Variants in DLG2 observed in about 807,000 individuals in gnomAD.
DLG2 encodes the protein discs large MAGUK scaffold protein 2.
Under a neutral mutation model 132.5 loss-of-function variants are expected in DLG2, and 45 were observed. The ratio of observed to expected loss-of-function variants is 0.34; its 90% CI spans 0.27 to 0.44. The LOEUF (loss-of-function observed/expected upper bound fraction) is 0.44. Among genes scored for constraint, DLG2 ranks in the 20% least tolerant of loss-of-function variants. The probability of loss-of-function intolerance (pLI) is 1.00; values close to 1 mark genes in which losing one functional copy is unlikely to be tolerated. For synonymous variants in DLG2, 424 were observed against 419.6 expected, an observed-to-expected ratio of 1.01 and a Z score of -0.13; for missense variants, 1,045 against 1,196.9, an observed-to-expected ratio of 0.87 and a Z score of 1.87.
intron 2 of DLG2, among the ~76,000 whole-genome samples, chr11:85,616,570 A>G (rs998420109): frequency 2.4e-4 from 37 of 152,252 alleles, no homozygotes; most frequent in African/African-American, 8.9e-4. Context: ...GGAATTTTTC[A>G]GTAATTCCAG....
At chr11:83,819,862 G>GCTTTCT (rs1340364221) in intron 17 of DLG2, among the ~76,000 whole-genome samples, 2 of 152,086 alleles carry the variant, frequency 1.3e-5, no homozygotes, top group Non-Finnish European at 2.9e-5. Flanking sequence ...CTCATTTTGA[G>GCTTTCT]CTTTCTCAAG....
intron 3 of DLG2, among the ~76,000 whole-genome samples, chr11:85,474,131 TA>T (rs1295780684): frequency 6.6e-6 from 1 of 151,782 alleles, no homozygotes; most frequent in Non-Finnish European, 1.5e-5. Flanking sequence ...AATGATGAAA[TA>T]AAAAAATTAA....
intron 8 of DLG2, among the ~76,000 whole-genome samples, chr11:84,240,169 A>G (rs994507595): frequency 6.6e-6 from 1 of 152,220 alleles, no homozygotes. Context: ...GCACGTCAGC[A>G]TGGTGGTAGG....
intron 18 of DLG2, among the ~76,000 whole-genome samples, chr11:83,655,451 G>A (rs779963919): frequency 1.3e-5 from 2 of 152,168 alleles, no homozygotes; most frequent in East Asian, 1.9e-4. Flanking sequence ...ATTTCAGGGA[G>A]AGCACTTGTC....
At chr11:83,791,254 G>A (rs2041484470) in intron 17 of DLG2, 1 of 663,906 alleles carries the variant, frequency 1.5e-6, no homozygotes, top group South Asian at 1.8e-5. Context: ...TGCTGAGGAG[G>A]AGGAGAAGGT....
At chr11:83,516,725 G>A (rs1223126156) in intron 21 of DLG2, among the ~76,000 whole-genome samples, 1 of 152,140 alleles carries the variant, frequency 6.6e-6, no homozygotes, top group Non-Finnish European at 1.5e-5. Flanking sequence ...GCCTGGTGGT[G>A]ACAAAATCTC....
chr11:85,254,998 CAAA>C (rs200546899), intron 4 of DLG2, among the ~76,000 whole-genome samples: 6 of 87,744 alleles, frequency 6.8e-5, no homozygotes, highest in Admixed American at 1.3e-4. Flanking sequence ...GACTCCATCT[CAAA>C]AAAAAAAAAA....
intron 6 of DLG2, among the ~76,000 whole-genome samples, chr11:84,966,404 T>C (rs1430308407): frequency 1.3e-5 from 2 of 152,086 alleles, no homozygotes; most frequent in Admixed American, 1.3e-4. Context: ...CTAGAACTCA[T>C]AGGTCCATGA....
intron 6 of DLG2, among the ~76,000 whole-genome samples, chr11:84,891,483 A>G (rs2089381847): frequency 6.6e-6 from 1 of 152,178 alleles, no homozygotes; most frequent in African/African-American, 2.4e-5. Flanking sequence ...TAAGTACACC[A>G]CAATTTCAAC....
chr11:85,074,380 G>T (rs76746896), intron 6 of DLG2, among the ~76,000 whole-genome samples: 3 of 151,794 alleles, frequency 2.0e-5, no homozygotes, highest in Admixed American at 6.6e-5. Context: ...GAATCAGCAG[G>T]TGCTTACAAT....
intron 3 of DLG2, among the ~76,000 whole-genome samples, chr11:85,400,522 G>A (rs1431094341): frequency 6.7e-6 from 1 of 149,386 alleles, no homozygotes; most frequent in African/African-American, 2.5e-5. Context: ...GCAAAGACTT[G>A]GAACCAACCC....
chr11:85,211,160 T>C (rs1283569933), intron 4 of DLG2, among the ~76,000 whole-genome samples: 1 of 152,180 alleles, frequency 6.6e-6, no homozygotes, highest in African/African-American at 2.4e-5. Context: ...AAAGACCAAA[T>C]ATCTTTGGTA....
intron 6 of DLG2, among the ~76,000 whole-genome samples, chr11:84,708,653 T>C (rs921001622): frequency 6.6e-6 from 1 of 151,832 alleles, no homozygotes; most frequent in Non-Finnish European, 1.5e-5. Context: ...AATGAGATCA[T>C]AGCATCCCCA....
chr11:84,789,859 A>G (rs976343904), intron 6 of DLG2, among the ~76,000 whole-genome samples: 1 of 152,130 alleles, frequency 6.6e-6, no homozygotes, highest in Non-Finnish European at 1.5e-5. Context: ...TGCCTGGCCT[A>G]TTTCACTTAA....
chr11:84,834,852 C>A (rs1025438875), intron 6 of DLG2, among the ~76,000 whole-genome samples: 1 of 149,288 alleles, frequency 6.7e-6, no homozygotes, highest in East Asian at 2.0e-4. Context: ...TCCAGGGCAA[C>A]ATTTCCTAAC....
intron 3 of DLG2, among the ~76,000 whole-genome samples, chr11:85,441,932 T>C (rs2153031387): frequency 6.6e-6 from 1 of 151,866 alleles, no homozygotes; most frequent in African/African-American, 2.4e-5. Context: ...GTAGTCTTGG[T>C]GGTAAAGGAA....
chr11:83,732,000 C>T (rs1271260173), intron 18 of DLG2, among the ~76,000 whole-genome samples: 1 of 152,052 alleles, frequency 6.6e-6, no homozygotes, highest in Non-Finnish European at 1.5e-5. Context: ...GTTACTAGTG[C>T]TTTGTTACTA....
intron 6 of DLG2, among the ~76,000 whole-genome samples, chr11:84,774,279 TA>T (rs561270947): frequency 6.6e-6 from 1 of 151,164 alleles, no homozygotes; most frequent in South Asian, 2.1e-4. Context: ...AAAAAATAAA[TA>T]AAAAAACAAC....
chr11:83,492,697 C>T (rs1483620705), intron 21 of DLG2, among the ~76,000 whole-genome samples: 2 of 152,050 alleles, frequency 1.3e-5, no homozygotes, highest in African/African-American at 4.8e-5. Flanking sequence ...AGGGACGCCT[C>T]TCTTTCTCTC....
Sources: allele counts gnomAD v4.1 joint callset (sites outside exome capture counted in the v4.1 genomes callset), GRCh38; gene constraint gnomAD v4.1.1; transcripts MANE v1.5; gene names NCBI Gene and HGNC (gene_info 2026-07-23, HGNC 2026-07-21).